AP1G1: variants seen among roughly 807,000 people sequenced by gnomAD.
AP1G1 encodes the protein adaptor related protein complex 1 subunit gamma 1.
In AP1G1, 7 loss-of-function variants were observed where a neutral mutation model predicts 108.3. The ratio of observed to expected loss-of-function variants is 0.06; its 90% CI spans 0.04 to 0.12. The LOEUF (loss-of-function observed/expected upper bound fraction) is 0.12, where lower values mean the gene tolerates loss of function less well. Ranked by LOEUF, AP1G1 falls within the 10% of genes least tolerant of loss-of-function variation. The pLI, the probability that AP1G1 is intolerant of heterozygous loss-of-function variation, is 1.00. For synonymous variants in AP1G1, 379 were observed against 353.5 expected, an observed-to-expected ratio of 1.07 and a Z score of -0.81; for missense variants, 756 against 1,010.7, an observed-to-expected ratio of 0.75 and a Z score of 3.42.
chr16:71,791,794 G>A (rs1281854908), intron 1 of AP1G1, among the ~76,000 whole-genome samples: 3 of 121,754 alleles, frequency 2.5e-5, no homozygotes, highest in African/African-American at 6.4e-5. Context: ...GTGGAGTTTC[G>A]CTCGTTGCCC....
chr16:71,758,562 C>T, intron 11 of AP1G1: 4 of 604,494 alleles, frequency 6.6e-6, no homozygotes. Context: ...GAGCCAAGGA[C>T]AACTTCAGTG....
Position 71,793,204 on chromosome 16 carries a change from A to G in AP1G1, c.-3-3722T>C, listed in dbSNP as rs570856430. ...AAGCAAACAAACAAAACAAATAACA[A>G]TAATAAACTCCAACCTTTTTTTAAA... On this transcript the variant is annotated intron_variant, in intron 1 of 22. Transcript: ENST00000299980. Among the ~76,000 whole-genome samples the G allele has an allele frequency of 7.2e-5, 11 of 152,304 alleles. No individual in the cohort carries two copies. The East Asian group carries it at 2.1e-3, about 29-fold the overall frequency.
Position 71,768,917 on chromosome 16 carries a change from C to CAA in AP1G1, c.642+704_642+705dup, listed in dbSNP as rs58725744. 2.6e-3 allele frequency among the ~76,000 whole-genome samples: 109 copies of CAA among 42,122 alleles called. 2 individuals carry two copies. The highest frequency in any genetic ancestry group is 8.2e-3 in the African/African-American group (71 of 8,696). The allele number at this position is 42,122 out of a possible 152,430, so 27.6% of individuals were successfully genotyped here. A position where few individuals can be genotyped will look rare whatever the true frequency, so the allele number is the denominator to read the frequency against. The stretch of plus-strand genomic sequence containing the variant: ...TGGGCGACAGAGCAAGACTCTGTCT[C>CAA]AAAAAAAAAAAAAAAAAAAAAAAGA... On this transcript the variant is annotated intron_variant, in intron 6 of 22. Transcript: ENST00000299980.
chr16:71,760,150 G>C (rs969811881), intron 10 of AP1G1, among the ~76,000 whole-genome samples: 2 of 151,876 alleles, frequency 1.3e-5, no homozygotes, highest in African/African-American at 4.8e-5. Flanking sequence ...GATTACAGGT[G>C]TGAGCCACCA....
intron 2 of AP1G1, among the ~76,000 whole-genome samples, chr16:71,788,220 T>C (rs1030170478): frequency 2.0e-5 from 3 of 152,232 alleles, no homozygotes; most frequent in African/African-American, 4.8e-5. Flanking sequence ...TGACTATCTT[T>C]CCTGATAGTG....
Position 71,732,815 on chromosome 16 carries a change from A to G in AP1G1, c.*243T>C. On this transcript the variant is annotated 3_prime_UTR_variant, in exon 23 of 23. Transcript: ENST00000299980. Reference sequence around the variant, plus strand: ...GTGGGAGGGGTGGAGAAGTGCGGAAAAAGGAGAAGAGGAAGAGTGCAAAGT... The same window carrying G: ...GTGGGAGGGGTGGAGAAGTGCGGAAGAAGGAGAAGAGGAAGAGTGCAAAGT... 1 of 405,562 alleles carries G rather than the reference A, an allele frequency of 2.5e-6. No individual in the cohort carries two copies. The highest frequency in any genetic ancestry group is 4.4e-6 in the Non-Finnish European group (1 of 225,834). 25.1% of individuals were successfully genotyped at this position (405,562 alleles called of 1,614,324 possible).
intron 21 of AP1G1, among the ~76,000 whole-genome samples, chr16:71,736,117 A>AAAAAATAAAATAT (rs1555550846): frequency 1.4e-5 from 1 of 71,622 alleles, no homozygotes; most frequent in African/African-American, 6.2e-5. Context: ...AAAAAAAAAA[A>AAAAAATAAAATAT]ATATATATAT....
intron 2 of AP1G1, among the ~76,000 whole-genome samples, chr16:71,777,179 C>A (rs1670817121): frequency 1.3e-5 from 2 of 149,578 alleles, no homozygotes; most frequent in Admixed American, 1.3e-4. Context: ...GGGGTTTGGC[C>A]CCAACCCCAG....
intron 6 of AP1G1, chr16:71,767,952 ATACGGGT>A: frequency 6.6e-7 from 1 of 1,526,344 alleles, no homozygotes; most frequent in Non-Finnish European, 9.0e-7. Flanking sequence ...TTAGGGACAG[ATACGGGT>A]CTCATACTAT....
At chr16:71,771,498 C>A (rs1024505613) in intron 4 of AP1G1, among the ~76,000 whole-genome samples, 6 of 152,098 alleles carry the variant, frequency 3.9e-5, no homozygotes, top group African/African-American at 1.4e-4. Context: ...ACAGCCTGGG[C>A]AACACAGTAA....
At chr16:71,743,266 A>G (rs1237592966) in intron 19 of AP1G1, 1 of 152,160 alleles carries the variant, frequency 6.6e-6, no homozygotes, top group Non-Finnish European at 1.5e-5. Flanking sequence ...AGACACAGAC[A>G]TAAATCCTAT....
intron 11 of AP1G1, 28 bp downstream of exon 11, chr16:71,758,780 A>T: frequency 7.2e-7 from 1 of 1,383,740 alleles, no homozygotes; most frequent in Non-Finnish European, 1.0e-6. Context: ...CAAAAACACT[A>T]GACTGAGAAA....
chr16:71,756,269 C>G (rs2030779591), intron 11 of AP1G1, 110 bp from the exon 12 acceptor site: 1 of 837,870 alleles, frequency 1.2e-6, no homozygotes, highest in East Asian at 2.8e-5. Flanking sequence ...TGCTGACGTC[C>G]TTGCACGATC....
At chr16:71,786,294 C>A (rs1282896625) in intron 2 of AP1G1, among the ~76,000 whole-genome samples, 2 of 151,598 alleles carry the variant, frequency 1.3e-5, no homozygotes, top group Non-Finnish European at 2.9e-5. Flanking sequence ...ATGAAATATC[C>A]CCCAAAGTCT....
intron 6 of AP1G1, among the ~76,000 whole-genome samples, chr16:71,768,533 G>A (rs1830489424): frequency 6.7e-6 from 1 of 148,846 alleles, no homozygotes; most frequent in Non-Finnish European, 1.5e-5. Context: ...GAGTACTTAA[G>A]AGAACTAAGA....
intron 21 of AP1G1, among the ~76,000 whole-genome samples, chr16:71,735,072 A>C (rs1286458010): frequency 2.6e-5 from 4 of 152,226 alleles, no homozygotes. Context: ...CTTTTGGCTT[A>C]AAAAACAGCC....
At chr16:71,767,866 T>C in intron 6 of AP1G1, 1 of 1,598,918 alleles carries the variant, frequency 6.3e-7, no homozygotes, top group Non-Finnish European at 8.5e-7. Flanking sequence ...TAAAAGAGGG[T>C]TAATTCTTAC....
rs767579863 is a variant in AP1G1 at position 71,771,191 on chromosome 16, G to A, written c.530C>T (p.Pro177Leu). Reference sequence around the variant, plus strand: ...CTCATTCAATAAATTTTTTGTTGCTGGTAAAAACATCTCCATAAGTTCAGG... The same window carrying A: ...CTCATTCAATAAATTTTTTGTTGCTAGTAAAAACATCTCCATAAGTTCAGG... The part of the protein sequence containing the change: ...KVPELMEMFL[P>L]ATKNLLNEKN... Residue 177 changes from proline (P) to leucine (L), a missense_variant, in exon 5 of 23, where the codon CCA becomes CTA. Around this residue, in one of 3 missense-constraint regions of AP1G1, gnomAD observed 304 missense variants for 483.6 expected, o/e 0.63. Coordinates refer to ENST00000299980, the MANE Select transcript of AP1G1 (RefSeq NM_001128.6). The A allele has an allele frequency of 1.2e-6, 2 of 1,609,594 alleles. No individual in the cohort carries two copies. Among genetic ancestry groups the A allele is most frequent in the Non-Finnish European group, 1.7e-6 (2 of 1,178,246 alleles).
intron 2 of AP1G1, among the ~76,000 whole-genome samples, chr16:71,785,655 C>T (rs534074566): frequency 6.7e-6 from 1 of 149,482 alleles, no homozygotes; most frequent in Non-Finnish European, 1.5e-5. Flanking sequence ...GAGGCCGAGG[C>T]GGGCAGATCA....
Sources: allele counts gnomAD v4.1 joint callset (sites outside exome capture counted in the v4.1 genomes callset), GRCh38; gene constraint gnomAD v4.1.1; regional missense constraint gnomAD v4.1.1; transcripts MANE v1.5; gene names NCBI Gene and HGNC (gene_info 2026-07-23, HGNC 2026-07-21).